L3MBTL4: variants seen among roughly 807,000 people sequenced by gnomAD.
The protein encoded by L3MBTL4 is L3MBTL histone methyl-lysine binding protein 4, also known as lethal(3)malignant brain tumor-like protein 4.
A neutral mutation model predicts 84.5 loss-of-function variants in L3MBTL4; 70 were observed. The ratio of observed to expected loss-of-function variants is 0.83; its 90% CI spans 0.68 to 1.01. L3MBTL4 has a LOEUF of 1.01. L3MBTL4 is among the 50% of genes least tolerant of loss of function. The pLI, the probability that L3MBTL4 is intolerant of heterozygous loss-of-function variation, is 0.00. For missense variants in L3MBTL4, 715 were observed against 754.8 expected (o/e 0.95, Z 0.62); for synonymous variants, 274 against 259.8 (o/e 1.05, Z -0.52).
At chr18:6,043,512 A>G (rs1054127451) in intron 16 of L3MBTL4, among the ~76,000 whole-genome samples, 1 of 152,190 alleles carries the variant, frequency 6.6e-6, no homozygotes, top group Non-Finnish European at 1.5e-5. Flanking sequence ...TTCCTCCAGC[A>G]ATTTCATCTC....
chr18:6,176,119 C>T (rs76266899), intron 12 of L3MBTL4, among the ~76,000 whole-genome samples: 2,646 of 152,232 alleles, frequency 0.017, 77 homozygotes, highest in African/African-American at 0.061. Flanking sequence ...ATTGATATGT[C>T]ATCTCTTCCC....
At chr18:6,214,154 T>G (rs2046230062) in intron 11 of L3MBTL4, among the ~76,000 whole-genome samples, 1 of 152,220 alleles carries the variant, frequency 6.6e-6, no homozygotes, top group Non-Finnish European at 1.5e-5. Flanking sequence ...TCATTTCATC[T>G]GTAACAAGAG....
chr18:6,338,565 G>T (rs1056394585), intron 1 of L3MBTL4, among the ~76,000 whole-genome samples: 1 of 151,832 alleles, frequency 6.6e-6, no homozygotes, highest in African/African-American at 2.4e-5. Flanking sequence ...ACAAAGGCCA[G>T]TAAAAAAATA....
chr18:6,150,489 C>G (rs1378256767), intron 13 of L3MBTL4, among the ~76,000 whole-genome samples: 3 of 152,246 alleles, frequency 2.0e-5, no homozygotes, highest in South Asian at 2.1e-4. Flanking sequence ...ATTCTAATTA[C>G]ATTTCTCTCC....
intron 16 of L3MBTL4, among the ~76,000 whole-genome samples, chr18:6,048,402 C>A (rs886267805): frequency 6.6e-6 from 1 of 152,046 alleles, no homozygotes; most frequent in Non-Finnish European, 1.5e-5. Flanking sequence ...GTATTTGGAA[C>A]CAAAAATAGC....
chr18:6,285,446 T>A (rs139746169), intron 4 of L3MBTL4, among the ~76,000 whole-genome samples: 83 of 152,206 alleles, frequency 5.5e-4, no homozygotes, highest in African/African-American at 1.9e-3. Context: ...GAGATTTCAA[T>A]ATATAGAGAT....
intron 13 of L3MBTL4, among the ~76,000 whole-genome samples, chr18:6,156,444 C>G (rs1302969819): frequency 6.7e-6 from 1 of 148,278 alleles, no homozygotes; most frequent in Non-Finnish European, 1.5e-5. Context: ...GTTGATTGCT[C>G]AACTGCTCAA....
chr18:5,992,826 G>A (rs889319228), intron 16 of L3MBTL4, among the ~76,000 whole-genome samples: 4 of 152,268 alleles, frequency 2.6e-5, no homozygotes, highest in East Asian at 1.9e-4. Flanking sequence ...CGCAGGTGCC[G>A]TCGCCATGCT....
rs567717667 is a variant in L3MBTL4, at chr18:6,243,641, T to C, written c.325-212A>G. Among the ~76,000 whole-genome samples, 17 of 152,358 alleles carry C rather than the reference T, an allele frequency of 1.1e-4. No homozygotes were observed. In the East Asian group the frequency reaches 2.7e-3, roughly 24 times the overall value. ...CCTGTCTTACAGGTATCTAGTGCAT[T>C]CTGCAAAATAGTGACCCTTTTACCC... On this transcript the variant is annotated intron_variant, in intron 6 of 18. Transcript: ENST00000317931.
intron 1 of L3MBTL4, among the ~76,000 whole-genome samples, chr18:6,333,260 C>T (rs2052137970): frequency 6.6e-6 from 1 of 152,052 alleles, no homozygotes; most frequent in Admixed American, 6.5e-5. Context: ...AGAGGTAAGG[C>T]TTTGGTGCCA....
At chr18:5,990,633 G>A (rs1213622071) in intron 16 of L3MBTL4, among the ~76,000 whole-genome samples, 1 of 152,196 alleles carries the variant, frequency 6.6e-6, no homozygotes, top group East Asian at 1.9e-4. Flanking sequence ...TGCGTGGATA[G>A]TAATTGAGTC....
chr18:6,221,035 C>G (rs958735229), intron 10 of L3MBTL4, among the ~76,000 whole-genome samples: 7 of 151,466 alleles, frequency 4.6e-5, no homozygotes, highest in Non-Finnish European at 7.4e-5. Context: ...GTTTTTTTTT[C>G]CATATTAGAA....
chr18:5,971,192 G>A (rs1389577371), intron 16 of L3MBTL4, among the ~76,000 whole-genome samples: 1 of 152,242 alleles, frequency 6.6e-6, no homozygotes, highest in African/African-American at 2.4e-5. Context: ...AAATGTGAAT[G>A]TTTTTTAATG....
At chr18:6,407,336 A>T (rs1412288255) in intron 1 of L3MBTL4, among the ~76,000 whole-genome samples, 1 of 152,196 alleles carries the variant, frequency 6.6e-6, no homozygotes, top group Admixed American at 6.5e-5. Flanking sequence ...CCTGCCCAAA[A>T]ACAGTCACAT....
intron 13 of L3MBTL4, among the ~76,000 whole-genome samples, chr18:6,149,662 C>T (rs1439405049): frequency 6.6e-6 from 1 of 152,154 alleles, no homozygotes; most frequent in African/African-American, 2.4e-5. Flanking sequence ...TACGGACCCA[C>T]CAACAGTGCA....
chr18:6,405,511 C>G (rs1051051325), intron 1 of L3MBTL4, among the ~76,000 whole-genome samples: 1 of 152,232 alleles, frequency 6.6e-6, no homozygotes. Context: ...GGAAAGCACA[C>G]TCACTCCCTT....
intron 16 of L3MBTL4, among the ~76,000 whole-genome samples, chr18:5,977,067 C>T (rs2052973261): frequency 6.6e-6 from 1 of 152,142 alleles, no homozygotes; most frequent in Non-Finnish European, 1.5e-5. Flanking sequence ...TCAGGCTTTA[C>T]AACAGCTCTC....
chr18:6,281,799 G>A (rs1011541200), intron 4 of L3MBTL4, among the ~76,000 whole-genome samples: 1 of 152,100 alleles, frequency 6.6e-6, no homozygotes, highest in African/African-American at 2.4e-5. Context: ...AAATAGAAGT[G>A]CTAGGAAAAT....
chr18:6,039,670 C>A (rs1390107547), intron 16 of L3MBTL4, among the ~76,000 whole-genome samples: 7 of 152,166 alleles, frequency 4.6e-5, no homozygotes, highest in Admixed American at 4.6e-4. Context: ...GGCCCTAAGC[C>A]TCTCACAGTG....
Sources: allele counts gnomAD v4.1 joint callset (sites outside exome capture counted in the v4.1 genomes callset), GRCh38; gene constraint gnomAD v4.1.1; transcripts MANE v1.5; gene names NCBI Gene and HGNC (gene_info 2026-07-23, HGNC 2026-07-21).